The following TCERG1 variants were observed in gnomAD, a reference collection of about 807,000 sequenced individuals.
TCERG1 encodes TATA box binding protein (TBP)-associated factor, RNA polymerase II, S, 150kD.
A neutral mutation model predicts 144.7 loss-of-function variants in TCERG1; 37 were observed. That is an observed-to-expected ratio of 0.26 (90% CI 0.20 to 0.34). The LOEUF is 0.34. TCERG1 is among the 10% of genes least tolerant of loss of function. The pLI, the probability that TCERG1 is intolerant of heterozygous loss-of-function variation, is 1.00. For synonymous variants in TCERG1, 492 were observed against 458.2 expected (o/e 1.07, Z -0.94); for missense variants, 1,027 against 1,380.7 (o/e 0.74, Z 4.06).
chr5:146,473,477 G>A (rs879432550), intron 9 of TCERG1, among the ~76,000 whole-genome samples: 3 of 152,196 alleles, frequency 2.0e-5, no homozygotes, highest in Non-Finnish European at 4.4e-5. Context: ...TTATCGATGA[G>A]GGCAATTACA....
intron 1 of TCERG1, among the ~76,000 whole-genome samples, chr5:146,451,155 G>C (rs1762304998): frequency 6.6e-6 from 1 of 152,130 alleles, no homozygotes; most frequent in South Asian, 2.1e-4. Flanking sequence ...CTAAGAGTAG[G>C]GTACATTATT....
intron 5 of TCERG1, 149 bp from the exon 6 acceptor site, chr5:146,468,192 T>A: frequency 1.7e-6 from 1 of 590,926 alleles, no homozygotes; most frequent in African/African-American, 1.9e-5. Flanking sequence ...CCACAAAATG[T>A]CAAACAGAAA....
chr5:146,462,617 T>G (rs552296717), intron 4 of TCERG1, among the ~76,000 whole-genome samples: 1 of 152,154 alleles, frequency 6.6e-6, no homozygotes, highest in Non-Finnish European at 1.5e-5. Flanking sequence ...AATGGAAACC[T>G]CAGTTTAAAA....
chr5:146,510,396 G>A (rs758043343), intron 22 of TCERG1, 45 bp from the exon 23 acceptor site: 4 of 1,387,442 alleles, frequency 2.9e-6, no homozygotes, highest in African/African-American at 1.4e-5. Flanking sequence ...TGAAAGACCT[G>A]TGAACAGCAG....
chr5:146,467,313 C>G (rs1763880977), intron 5 of TCERG1, among the ~76,000 whole-genome samples: 1 of 151,730 alleles, frequency 6.6e-6, no homozygotes, highest in Non-Finnish European at 1.5e-5. Flanking sequence ...TTTATTGTTA[C>G]TATTTTTAAT....
intron 8 of TCERG1, among the ~76,000 whole-genome samples, chr5:146,471,210 T>C (rs1764260477): frequency 6.6e-6 from 1 of 152,212 alleles, no homozygotes; most frequent in Non-Finnish European, 1.5e-5. Context: ...CAACCTTAAA[T>C]GAAGAGGTAT....
chr5:146,478,446 A>G, intron 9 of TCERG1, 47 bp from the exon 10 acceptor site: 1 of 1,504,606 alleles, frequency 6.6e-7, no homozygotes, highest in Non-Finnish European at 8.9e-7. Flanking sequence ...CTAGCTGTAA[A>G]ATATGTTCTG....
In TCERG1 at chr5:146,457,223, C is replaced by G. The variant is rs145339458; in HGVS notation, c.326C>G (p.Pro109Arg). The G allele has an allele frequency of 1.9e-6, 3 of 1,614,162 alleles. No homozygotes were observed. Among genetic ancestry groups the G allele is most frequent in the Non-Finnish European group, 2.5e-6 (3 of 1,179,974 alleles). The change falls in exon 3 of 23, where the codon CCT (proline) becomes CGT (arginine). Residue 109 changes from proline to arginine, a missense_variant. This residue lies in a region of TCERG1 where 175 missense variants were observed against 197.0 expected (regional missense o/e 0.89). Coordinates refer to ENST00000679501, the MANE Select transcript of TCERG1 (RefSeq NM_001382548.1). ...FMPPPMSSMP[P>R]PPGMMFPPGM... ...CCTCCTCCCATGAGTTCCATGCCTCCTCCTCCGGGTATGATGTTTCCACCA... is the reference window on the plus strand; with the variant it reads ...CCTCCTCCCATGAGTTCCATGCCTCGTCCTCCGGGTATGATGTTTCCACCA...
intron 17 of TCERG1, 196 bp from the exon 18 acceptor site, chr5:146,503,179 G>A (rs910898406): frequency 1.1e-4 from 41 of 379,060 alleles, no homozygotes; most frequent in Non-Finnish European, 1.7e-4. Flanking sequence ...TATGCTTGTC[G>A]ATGTTTACAT....
intron 1 of TCERG1, among the ~76,000 whole-genome samples, chr5:146,451,251 C>T (rs1199300383): frequency 1.3e-5 from 2 of 151,708 alleles, no homozygotes; most frequent in East Asian, 1.9e-4. Context: ...GTAACAGTGG[C>T]CTGTGTCTTT....
chr5:146,468,756 G>C (rs1249066992), intron 6 of TCERG1, among the ~76,000 whole-genome samples: 1 of 152,126 alleles, frequency 6.6e-6, no homozygotes, highest in Non-Finnish European at 1.5e-5. Context: ...AAAGTGATGT[G>C]ATTATGCTTG....
intron 3 of TCERG1, among the ~76,000 whole-genome samples, chr5:146,457,700 C>A (rs1458180709): frequency 6.6e-6 from 1 of 152,254 alleles, no homozygotes; most frequent in Non-Finnish European, 1.5e-5. Context: ...AATCCAAGTT[C>A]TTGGACTCCA....
Position 146,504,019 on chromosome 5 carries a change from C to T in TCERG1, c.2781+13C>T. ...TCTGTCTGACATGGTATACGTTAAT[C>T]TTTTACTTTTTTTCTCTAAAGTACT... On this transcript the variant is annotated intron_variant, in intron 19 of 22. Transcript: ENST00000679501. The T allele has an allele frequency of 6.7e-7, 1 of 1,500,082 alleles. No individual in the cohort carries two copies. The highest frequency in any genetic ancestry group is 1.4e-5 in the South Asian group (1 of 69,158). 92.9% of individuals were successfully genotyped at this position (1,500,082 alleles called of 1,614,324 possible).
At position 146,501,157 on chromosome 5, in the gene TCERG1, T is replaced by C. The variant is rs548051538; in HGVS notation, c.2434-2218T>C. On this transcript the variant is annotated intron_variant, in intron 17 of 22. Transcript: ENST00000679501. The stretch of plus-strand genomic sequence containing the variant: ...TTGAAATAGCACATTTGAGGTTGTA[T>C]GTAATTGGAGTTAATACACTGTTAC... Among the ~76,000 whole-genome samples, 4 of 152,356 alleles carry C rather than the reference T, an allele frequency of 2.6e-5. No individual in the cohort carries two copies. The South Asian group carries it at 8.3e-4, about 32-fold the overall frequency.
At chr5:146,493,071 G>A (rs1554102002) in intron 16 of TCERG1, 33 bp downstream of exon 16, 3 of 1,392,628 alleles carry the variant, frequency 2.2e-6, no homozygotes, top group Non-Finnish European at 2.0e-6. Context: ...ATATCAAAGT[G>A]TATTTATTTT....
chr5:146,470,929 T>C (rs930778054), intron 8 of TCERG1, among the ~76,000 whole-genome samples, 181 bp downstream of exon 8: 2 of 152,230 alleles, frequency 1.3e-5, no homozygotes, highest in Non-Finnish European at 2.9e-5. Context: ...AAATTACTTC[T>C]TGTACTAAAC....
chr5:146,450,655 A>C (rs1195420139), intron 1 of TCERG1, among the ~76,000 whole-genome samples: 1 of 152,206 alleles, frequency 6.6e-6, no homozygotes, highest in Admixed American at 6.5e-5. Context: ...GAAGCAGTAT[A>C]ATATAAAGAG....
intron 18 of TCERG1, 137 bp downstream of exon 18, chr5:146,503,676 T>C (rs1767688145): frequency 2.2e-6 from 3 of 1,366,622 alleles, no homozygotes; most frequent in Non-Finnish European, 3.0e-6. Flanking sequence ...AAGAGTCTAG[T>C]TGATTTGGAG....
intron 15 of TCERG1, among the ~76,000 whole-genome samples, chr5:146,484,582 T>C (rs1341719444): frequency 8.7e-6 from 1 of 114,780 alleles, no homozygotes; most frequent in Non-Finnish European, 1.9e-5. Context: ...GCCAGATATG[T>C]ATTTTAGTAC....
Sources: allele counts gnomAD v4.1 joint callset (sites outside exome capture counted in the v4.1 genomes callset), GRCh38; gene constraint gnomAD v4.1.1; regional missense constraint gnomAD v4.1.1; transcripts MANE v1.5; gene names NCBI Gene and HGNC (gene_info 2026-07-23, HGNC 2026-07-21).